PPARGC1A: variants seen among roughly 807,000 people sequenced by gnomAD.
PPARGC1A encodes the protein peroxisome proliferator-activated receptor gamma coactivator 1-alpha.
Under a neutral mutation model 88.7 loss-of-function variants are expected in PPARGC1A, and 25 were observed. The ratio of observed to expected loss-of-function variants is 0.28; its 90% CI spans 0.21 to 0.39. The LOEUF (loss-of-function observed/expected upper bound fraction) is 0.39. Among genes scored for constraint, PPARGC1A ranks in the 10% least tolerant of loss-of-function variants. PPARGC1A has a pLI of 1.00. For missense variants in PPARGC1A, 880 were observed against 968.7 expected, an observed-to-expected ratio of 0.91 and a Z score of 1.22; for synonymous variants, 363 against 355.6, an observed-to-expected ratio of 1.02 and a Z score of -0.24.
chr4:23,978,392 G>A, the PPARGC1A span, among the ~76,000 whole-genome samples: 1 of 152,270 alleles, frequency 6.6e-6, no homozygotes, highest in African/African-American at 2.4e-5. Context: ...AAAATGTGAT[G>A]AACGAGGCAG....
chr4:24,306,473 T>C, the PPARGC1A span, among the ~76,000 whole-genome samples: 1 of 152,152 alleles, frequency 6.6e-6, no homozygotes, highest in Non-Finnish European at 1.5e-5. Context: ...TATGACTGGG[T>C]CATAGGTTTA....
chr4:23,901,842 G>T (rs1719424562), upstream of PPARGC1A, among the ~76,000 whole-genome samples: 1 of 152,060 alleles, frequency 6.6e-6, no homozygotes, highest in South Asian at 2.1e-4. Context: ...ATTGATAAAT[G>T]ACATAAAGGA....
At chr4:23,939,819 G>A in the PPARGC1A span, among the ~76,000 whole-genome samples, 2 of 152,120 alleles carry the variant, frequency 1.3e-5, no homozygotes, top group Admixed American at 6.5e-5. Flanking sequence ...CAAGAACAAT[G>A]AGGCCCAAGG....
At chr4:24,398,277 T>C in the PPARGC1A span, among the ~76,000 whole-genome samples, 56 of 152,206 alleles carry the variant, frequency 3.7e-4, 1 homozygote, top group African/African-American at 4.8e-5. Flanking sequence ...AAATACTTTA[T>C]ATGTAACAGA....
the PPARGC1A span, among the ~76,000 whole-genome samples, chr4:23,959,017 CAA>C: frequency 0.26 from 36,782 of 138,850 alleles, 5,370 homozygotes; most frequent in East Asian, 0.45. Flanking sequence ...TTTACCAAAC[CAA>C]AAAAAAAAAA....
chr4:24,078,797 C>T, the PPARGC1A span, among the ~76,000 whole-genome samples: 9 of 152,022 alleles, frequency 5.9e-5, no homozygotes, highest in East Asian at 1.9e-4. Flanking sequence ...ATTTCTTCCC[C>T]GATGCCATCT....
At chr4:24,247,852 T>A in the PPARGC1A span, among the ~76,000 whole-genome samples, 38 of 152,284 alleles carry the variant, frequency 2.5e-4, no homozygotes, top group African/African-American at 8.7e-4. Context: ...TCCCACCAAC[T>A]AAAATGTAAG....
chr4:24,470,271 GACACAGACACACAC>G, the PPARGC1A span, among the ~76,000 whole-genome samples: 37 of 72,026 alleles, frequency 5.1e-4, no homozygotes, highest in South Asian at 1.1e-3. The surrounding 1 kb of genome is among the most constrained non-coding windows in gnomAD (Gnocchi z 5.8). Context: ...CTCATCGACA[GACACAGACACACAC>G]ACACACACAC....
At chr4:24,390,838 T>C in the PPARGC1A span, among the ~76,000 whole-genome samples, 1 of 152,034 alleles carries the variant, frequency 6.6e-6, no homozygotes, top group African/African-American at 2.4e-5. Context: ...AATATGGAGA[T>C]CTAAGTTTCA....
At chr4:23,832,887 G>T (rs561298270) in intron 2 of PPARGC1A, among the ~76,000 whole-genome samples, 2 of 140,798 alleles carry the variant, frequency 1.4e-5, no homozygotes, top group Admixed American at 1.4e-4. Flanking sequence ...TGGGATTACC[G>T]GCGTGAGCTA....
chr4:23,874,580 G>C (rs1714303538), intron 2 of PPARGC1A, among the ~76,000 whole-genome samples: 1 of 151,690 alleles, frequency 6.6e-6, no homozygotes, highest in Admixed American at 6.6e-5. Context: ...AAGGATATGA[G>C]AGAGTGTATA....
the PPARGC1A span, among the ~76,000 whole-genome samples, chr4:24,355,605 G>C: frequency 2.0e-5 from 3 of 151,994 alleles, no homozygotes; most frequent in Non-Finnish European, 4.4e-5. Flanking sequence ...TAGCCCCAAG[G>C]CACAATGAGA....
At chr4:23,941,639 A>C in the PPARGC1A span, among the ~76,000 whole-genome samples, 3 of 152,174 alleles carry the variant, frequency 2.0e-5, no homozygotes, top group Admixed American at 2.0e-4. Flanking sequence ...GAGGGCACCT[A>C]GTGTTGCTTT....
At chr4:24,052,819 G>C in the PPARGC1A span, among the ~76,000 whole-genome samples, 1 of 144,716 alleles carries the variant, frequency 6.9e-6, no homozygotes, top group East Asian at 2.1e-4. Flanking sequence ...ATTTATAGAA[G>C]TCATTCCAAG....
the PPARGC1A span, among the ~76,000 whole-genome samples, chr4:23,953,813 T>C: frequency 1.3e-5 from 2 of 152,022 alleles, no homozygotes; most frequent in African/African-American, 4.8e-5. Flanking sequence ...AAGAGATATG[T>C]GCCAAGAAGA....
chr4:23,883,921 G>C (rs1245190041), intron 2 of PPARGC1A: 1 of 152,088 alleles, frequency 6.6e-6, no homozygotes, highest in Non-Finnish European at 1.5e-5. Flanking sequence ...GAAAACATTA[G>C]ATGATGATGA....
the PPARGC1A span, among the ~76,000 whole-genome samples, chr4:24,061,349 T>C: frequency 6.6e-6 from 1 of 152,212 alleles, no homozygotes; most frequent in Admixed American, 6.5e-5. Context: ...AAAAGCATCC[T>C]GTGCACCCTG....
chr4:24,387,822 A>AAGAAAGAAAGAAAGAG, the PPARGC1A span, among the ~76,000 whole-genome samples: 1 of 68,156 alleles, frequency 1.5e-5, no homozygotes, highest in African/African-American at 4.0e-5. Flanking sequence ...GAAAGAAAGA[A>AAGAAAGAAAGAAAGAG]AGAGAGAAAG....
the PPARGC1A span, among the ~76,000 whole-genome samples, chr4:23,973,036 C>T: frequency 6.6e-6 from 1 of 152,166 alleles, no homozygotes; most frequent in Non-Finnish European, 1.5e-5. Context: ...ACTGACAAAT[C>T]CCTGCAGGAT....
Sources: allele counts gnomAD v4.1 joint callset (sites outside exome capture counted in the v4.1 genomes callset), GRCh38; gene constraint gnomAD v4.1.1; non-coding constraint Gnocchi (gnomAD v3.1); transcripts MANE v1.5; gene names NCBI Gene and HGNC (gene_info 2026-07-23, HGNC 2026-07-21).